Variants in SLC44A5 observed in about 807,000 individuals in gnomAD.
SLC44A5 encodes choline transporter-like protein 5.
SLC44A5 carries 57 observed loss-of-function variants against 101.8 expected under a neutral mutation model. The ratio of observed to expected loss-of-function variants is 0.56; its 90% confidence interval spans 0.45 to 0.70. The LOEUF is 0.70. SLC44A5 is among the 30% of genes least tolerant of loss of function. The pLI, the probability that SLC44A5 is intolerant of heterozygous loss-of-function variation, is 0.00. For missense variants in SLC44A5, 737 were observed against 853.1 expected (o/e 0.86, Z 1.70); for synonymous variants, 281 against 290.9 (o/e 0.97, Z 0.35).
At chr1:75,631,811 A>G in the SLC44A5 span, among the ~76,000 whole-genome samples, 1 of 152,000 alleles carries the variant, frequency 6.6e-6, no homozygotes, top group Non-Finnish European at 1.5e-5. Flanking sequence ...CGCTGGGATT[A>G]CAGACATGAG....
At chr1:75,208,340 G>A (rs1646787910) in intron 23 of SLC44A5, among the ~76,000 whole-genome samples, 1 of 152,016 alleles carries the variant, frequency 6.6e-6, no homozygotes, top group African/African-American at 2.4e-5. Flanking sequence ...TGTATTATTT[G>A]TAGAGACAGG....
At chr1:75,687,210 A>G in the SLC44A5 span, among the ~76,000 whole-genome samples, 111 of 152,216 alleles carry the variant, frequency 7.3e-4, 1 homozygote, top group South Asian at 1.9e-3. Flanking sequence ...AACATACTAA[A>G]TCACACACCC....
At chr1:75,211,131 A>G (rs1402963546) in intron 23 of SLC44A5, among the ~76,000 whole-genome samples, 1 of 152,174 alleles carries the variant, frequency 6.6e-6, no homozygotes, top group African/African-American at 2.4e-5. Flanking sequence ...TTCATCCTGC[A>G]TAACTGAAAG....
At chr1:75,537,025 AAAAAAAAAATAT>A (rs1391970974) in intron 2 of SLC44A5, among the ~76,000 whole-genome samples, 2 of 27,610 alleles carry the variant, frequency 7.2e-5, no homozygotes, top group Admixed American at 4.5e-4. Context: ...AAAAAAAAAA[AAAAAAAAAATAT>A]ATATCTATGC....
intron 1 of SLC44A5, among the ~76,000 whole-genome samples, chr1:75,560,742 T>G (rs1416463464): frequency 1.3e-5 from 2 of 152,152 alleles, no homozygotes; most frequent in Admixed American, 1.3e-4. Context: ...GAAGCTCAGT[T>G]TCTACTCACT....
At chr1:75,495,585 A>G (rs1282642443) in intron 2 of SLC44A5, among the ~76,000 whole-genome samples, 1 of 152,066 alleles carries the variant, frequency 6.6e-6, no homozygotes, top group African/African-American at 2.4e-5. Context: ...AGAGCTGAAT[A>G]ATACAATAAC....
intron 12 of SLC44A5, among the ~76,000 whole-genome samples, chr1:75,232,764 A>G (rs1647699733): frequency 6.6e-6 from 1 of 152,152 alleles, no homozygotes; most frequent in South Asian, 2.1e-4. Context: ...AGATACCATT[A>G]TTATGCTGAT....
rs1570056591 is a variant in SLC44A5 at position 75,379,091 on chromosome 1, G to T, written c.52+17492C>A. Reference sequence around the variant, plus strand: ...ACCTGGAGAAGGAGCCCAAGAGGGAGAGCCTCCCACAGTTGAGGCCAGATA... The same window carrying T: ...ACCTGGAGAAGGAGCCCAAGAGGGATAGCCTCCCACAGTTGAGGCCAGATA... On this transcript the variant is annotated intron_variant, in intron 3 of 23. Coordinates refer to ENST00000370859, the MANE Select transcript of SLC44A5 (RefSeq NM_001130058.2). 2.6e-5 allele frequency among the ~76,000 whole-genome samples: 2 copies of T among 78,310 alleles called. 1 individual carries two copies. Among genetic ancestry groups the T allele is most frequent in the Non-Finnish European group, 4.3e-5 (2 of 46,846 alleles). The allele number at this position is 78,310 out of a possible 152,430, so 51.4% of individuals were successfully genotyped here.
intron 1 of SLC44A5, among the ~76,000 whole-genome samples, chr1:75,574,406 T>C (rs1370185151): frequency 6.6e-6 from 1 of 152,222 alleles, no homozygotes; most frequent in Non-Finnish European, 1.5e-5. Context: ...TTTGGGATGT[T>C]ATCTTCTGTG....
At chr1:75,409,507 A>G (rs1417690952) in intron 2 of SLC44A5, among the ~76,000 whole-genome samples, 2 of 152,178 alleles carry the variant, frequency 1.3e-5, no homozygotes, top group Admixed American at 1.3e-4. Flanking sequence ...GAGTGTTCAA[A>G]AAGAGAGAAA....
chr1:75,399,982 C>T (rs533088945), intron 2 of SLC44A5, among the ~76,000 whole-genome samples: 1 of 152,288 alleles, frequency 6.6e-6, no homozygotes, highest in East Asian at 1.9e-4. Flanking sequence ...ACATACACAA[C>T]CATGGAATAC....
the SLC44A5 span, among the ~76,000 whole-genome samples, chr1:75,632,052 A>G: frequency 6.6e-6 from 1 of 152,144 alleles, no homozygotes; most frequent in Non-Finnish European, 1.5e-5. Context: ...TTTAAGGAGA[A>G]GCCAACTTTT....
At chr1:75,549,268 A>C (rs1224017667) in intron 1 of SLC44A5, among the ~76,000 whole-genome samples, 2 of 152,250 alleles carry the variant, frequency 1.3e-5, no homozygotes, top group Admixed American at 1.3e-4. Context: ...TAAAATACTA[A>C]GGCTAGGACT....
rs189941673 is a variant in SLC44A5 at position 75,511,241 on chromosome 1, C to T, written c.13+30194G>A. ...CTTGCTATAGTCAGGAACAGAAATG[C>T]TAAATGTAGTCAGACTTGTATTCTA... On this transcript the variant is annotated intron_variant, in intron 2 of 23. Coordinates refer to ENST00000370859, the MANE Select transcript of SLC44A5 (RefSeq NM_001130058.2). Among the ~76,000 whole-genome samples, 26 of 152,292 alleles carry T rather than the reference C, an allele frequency of 1.7e-4. No homozygotes were observed. The East Asian group carries it at 3.5e-3, about 20-fold the overall frequency.
At chr1:75,719,091 G>A in the SLC44A5 span, among the ~76,000 whole-genome samples, 1 of 152,098 alleles carries the variant, frequency 6.6e-6, no homozygotes, top group Non-Finnish European at 1.5e-5. Flanking sequence ...TGACTGCAGA[G>A]AGCCAATAAA....
chr1:75,547,225 G>T (rs1671699074), intron 1 of SLC44A5, among the ~76,000 whole-genome samples: 1 of 152,122 alleles, frequency 6.6e-6, no homozygotes, highest in African/African-American at 2.4e-5. Context: ...CCTAATTGAA[G>T]AAAACCAAGG....
chr1:75,409,549 A>G (rs1301864271), intron 2 of SLC44A5, among the ~76,000 whole-genome samples: 1 of 152,184 alleles, frequency 6.6e-6, no homozygotes, highest in Non-Finnish European at 1.5e-5. Flanking sequence ...AAATGGCCCT[A>G]CAATACTTCA....
At chr1:75,655,466 C>T in the SLC44A5 span, among the ~76,000 whole-genome samples, 1 of 152,138 alleles carries the variant, frequency 6.6e-6, no homozygotes, top group Non-Finnish European at 1.5e-5. Context: ...GCCTTGGTCC[C>T]CAGATACATT....
chr1:75,598,095 A>G (rs1674757365), intron 1 of SLC44A5, among the ~76,000 whole-genome samples: 1 of 146,700 alleles, frequency 6.8e-6, no homozygotes, highest in Admixed American at 6.6e-5. Context: ...AATGTACAAG[A>G]AAAAAAAACC....
Sources: allele counts gnomAD v4.1 joint callset (sites outside exome capture counted in the v4.1 genomes callset), GRCh38; gene constraint gnomAD v4.1.1; transcripts MANE v1.5; gene names NCBI Gene and HGNC (gene_info 2026-07-23, HGNC 2026-07-21).